The following PRPF39 variants were observed in gnomAD, a reference collection of about 807,000 sequenced individuals.
PRPF39 encodes the protein pre-mRNA processing factor 39.
In PRPF39, 27 loss-of-function variants were observed where a neutral mutation model predicts 82.1. The ratio of observed to expected loss-of-function variants is 0.33; its 90% CI spans 0.24 to 0.45. The LOEUF (loss-of-function observed/expected upper bound fraction) is 0.45. Among genes scored for constraint, PRPF39 ranks in the 20% least tolerant of loss-of-function variants. PRPF39 has a pLI of 1.00. For missense variants in PRPF39, 581 were observed against 796.9 expected (o/e 0.73, Z 3.26); for synonymous variants, 261 against 256.4 (o/e 1.02, Z -0.17).
At chr14:45,086,431 G>A (rs2139030581) in intron 1 of PRPF39, among the ~76,000 whole-genome samples, 1 of 152,096 alleles carries the variant, frequency 6.6e-6, no homozygotes, top group South Asian at 2.1e-4. Flanking sequence ...TTTTATACTT[G>A]TGTCCTTTGT....
chr14:45,115,002 T>C lies in PRPF39; in HGVS notation c.*89T>C, dbSNP rs1020596315. On this transcript the variant is annotated 3_prime_UTR_variant, in exon 14 of 14. Coordinates refer to ENST00000355765, the MANE Select transcript of PRPF39 (RefSeq NM_017922.4). ...AGGGATGTAAACAGTATAAGCTTGT[T>C]GTATTTGATAACCTGTCTTCCTTGT... The C allele has an allele frequency of 3.2e-5, 33 of 1,022,324 alleles. No individual in the cohort carries two copies. Among genetic ancestry groups the C allele is most frequent in the Admixed American group, 8.6e-5 (4 of 46,250 alleles). 63.3% of individuals were successfully genotyped at this position (1,022,324 alleles called of 1,614,324 possible).
intron 5 of PRPF39, 125 bp downstream of exon 5, chr14:45,102,821 T>C (rs1213750570): frequency 1.4e-5 from 14 of 986,604 alleles, no homozygotes; most frequent in Non-Finnish European, 1.9e-5. Flanking sequence ...ATAAATTTTG[T>C]TGCTAATCAC....
intron 4 of PRPF39, among the ~76,000 whole-genome samples, chr14:45,099,757 T>A (rs1884316742): frequency 6.6e-6 from 1 of 152,204 alleles, no homozygotes. Flanking sequence ...ATTCTTAATA[T>A]CCAAGAATCT....
chr14:45,108,588 T>C (rs565832466), intron 7 of PRPF39, 66 bp downstream of exon 7: 1 of 1,522,400 alleles, frequency 6.6e-7, no homozygotes, highest in Admixed American at 2.5e-5. Flanking sequence ...TTTCTTTCAA[T>C]TTTGATAGTA....
Position 45,102,662 on chromosome 14 carries a change from A to G in PRPF39, c.703A>G (p.Ile235Val), listed in dbSNP as rs768626902. ...VTAIYDRILG[I>V]PTQLYSHHFQ... ...AGCTATATATGATCGTATTCTTGGTATTCCAACACAGCTGTATAGTCATCA... is the reference window on the plus strand; with the variant it reads ...AGCTATATATGATCGTATTCTTGGTGTTCCAACACAGCTGTATAGTCATCA... Residue 235 changes from isoleucine (I) to valine (V), a missense_variant, in exon 5 of 14, where the codon ATT becomes GTT. By Grantham distance (29) the Ile-to-Val change is conservative (BLOSUM62 3). Transcript: ENST00000355765. 5 of 1,610,076 alleles carry G rather than the reference A, an allele frequency of 3.1e-6. No homozygotes were observed. Among genetic ancestry groups the G allele is most frequent in the African/African-American group, 1.3e-5 (1 of 74,776 alleles).
At position 45,096,941 on chromosome 14, in the gene PRPF39, T is replaced by C. The variant is rs1342683625; in HGVS notation, c.505T>C (p.Tyr169His). ...TCTTAGTGTTGACCTTTGGATACATTATATAAACTTCTTAAAAGAAACATT... is the reference window on the plus strand; with the variant it reads ...TCTTAGTGTTGACCTTTGGATACATCATATAAACTTCTTAAAAGAAACATT... The part of the protein sequence containing the change: ...IPLSVDLWIH[Y>H]INFLKETLDP... Residue 169 changes from tyrosine to histidine, a missense_variant, in exon 4 of 14, where the codon TAT becomes CAT. Transcript: ENST00000355765. 2 of 1,552,274 alleles carry C rather than the reference T, an allele frequency of 1.3e-6. No homozygotes were observed. Among genetic ancestry groups the C allele is most frequent in the Admixed American group, 3.9e-5 (2 of 50,762 alleles).
chr14:45,109,379 G>T (rs374435399), intron 7 of PRPF39, among the ~76,000 whole-genome samples: 1 of 152,036 alleles, frequency 6.6e-6, no homozygotes, highest in Non-Finnish European at 1.5e-5. Context: ...AAAATGTTCT[G>T]TACATTAAAA....
At chr14:45,100,682 T>G (rs1007272096) in intron 4 of PRPF39, among the ~76,000 whole-genome samples, 2 of 152,230 alleles carry the variant, frequency 1.3e-5, no homozygotes, top group East Asian at 3.8e-4. Context: ...ACACCAAATA[T>G]GCACATGCAT....
intron 8 of PRPF39, 132 bp downstream of exon 8, chr14:45,109,912 C>A: frequency 6.6e-7 from 1 of 1,514,114 alleles, no homozygotes; most frequent in Non-Finnish European, 8.8e-7. Flanking sequence ...CTGCTTGCAA[C>A]CAGATTTGAC....
chr14:45,090,347 A>G (rs1187475648), intron 1 of PRPF39, among the ~76,000 whole-genome samples: 1 of 151,916 alleles, frequency 6.6e-6, no homozygotes, highest in South Asian at 2.1e-4. Flanking sequence ...ACTACTTTGG[A>G]CTCTCTTTTA....
chr14:45,107,485 G>T lies in PRPF39; in HGVS notation c.772G>T (p.Asp258Tyr). 1 of 1,562,500 alleles carries T rather than the reference G, an allele frequency of 6.4e-7. No homozygotes were observed. The highest frequency in any genetic ancestry group is 2.3e-5 in the East Asian group (1 of 43,170). Residue 258 changes from aspartate to tyrosine, a missense_variant, in exon 6 of 14, where the codon GAT becomes TAT. Physicochemically the swap from Asp to Tyr is radical, Grantham distance 160 (BLOSUM62 -3). Transcript: ENST00000355765. ...KEHVQNNLPR[D>Y]LLTGEQFIQL... Reference sequence around the variant, plus strand: ...ACATGTACAGAATAATTTGCCTAGAGATCTTTTAACTGGTGAACAGTTTAT... The same window carrying T: ...ACATGTACAGAATAATTTGCCTAGATATCTTTTAACTGGTGAACAGTTTAT...
intron 12 of PRPF39, 87 bp from the exon 13 acceptor site, chr14:45,114,407 A>G (rs550369191): frequency 1.4e-6 from 2 of 1,417,026 alleles, no homozygotes; most frequent in African/African-American, 2.9e-5. Flanking sequence ...AACTTCAGTA[A>G]AACAAATATA....
chr14:45,091,163 G>C (rs1182344444), intron 1 of PRPF39, among the ~76,000 whole-genome samples: 1 of 151,624 alleles, frequency 6.6e-6, no homozygotes, highest in Non-Finnish European at 1.5e-5. Flanking sequence ...GTTTTTAATA[G>C]AATCTTGCTC....
intron 5 of PRPF39, among the ~76,000 whole-genome samples, chr14:45,105,500 A>G (rs1265813918): frequency 1.3e-5 from 2 of 150,158 alleles, no homozygotes; most frequent in African/African-American, 2.4e-5. Flanking sequence ...CAAAATTTAA[A>G]TTAGATTCCA....
chr14:45,114,137 T>C (rs747534726), intron 11 of PRPF39, 46 bp from the exon 12 acceptor site: 8 of 1,363,748 alleles, frequency 5.9e-6, no homozygotes, highest in Non-Finnish European at 8.1e-6. Context: ...TTTAATAAAG[T>C]TTGTTTTTTG....
rs58863567 is a variant in PRPF39, at chr14:45,111,631, C to CTTTTTTTT, written c.1573-667_1573-660dup. 1.2e-4 allele frequency among the ~76,000 whole-genome samples: 7 copies of CTTTTTTTT among 58,804 alleles called. 1 individual carries two copies. The highest frequency in any genetic ancestry group is 2.3e-4 in the African/African-American group (3 of 13,128). The allele number at this position is 58,804 out of a possible 152,430, so 38.6% of individuals were successfully genotyped here. A position where few individuals can be genotyped will look rare whatever the true frequency, so the allele number is the denominator to read the frequency against. ...ACAGGCGTAAGCCACTGCACCTGGG[C>CTTTTTTTT]TTTTTTTTTTTTTTTTTTTTTTTTT... On this transcript the variant is annotated intron_variant, in intron 10 of 13. Coordinates refer to ENST00000355765, the MANE Select transcript of PRPF39 (RefSeq NM_017922.4).
intron 12 of PRPF39, 100 bp downstream of exon 12, chr14:45,114,357 A>T: frequency 7.4e-7 from 1 of 1,344,684 alleles, no homozygotes; most frequent in South Asian, 1.4e-5. Context: ...TAATTTACAT[A>T]CTTTATTTTC....
intron 1 of PRPF39, among the ~76,000 whole-genome samples, chr14:45,084,730 A>C (rs1161292283): frequency 1.3e-5 from 2 of 152,196 alleles, no homozygotes; most frequent in Non-Finnish European, 2.9e-5. Context: ...ACCCTAAGTC[A>C]CAGCACCCAC....
chr14:45,100,751 C>T (rs1884350394), intron 4 of PRPF39, among the ~76,000 whole-genome samples: 2 of 152,270 alleles, frequency 1.3e-5, no homozygotes, highest in African/African-American at 4.8e-5. Flanking sequence ...ATATTTCCTC[C>T]AATGTTGGTA....
Sources: allele counts gnomAD v4.1 joint callset (sites outside exome capture counted in the v4.1 genomes callset), GRCh38; gene constraint gnomAD v4.1.1; transcripts MANE v1.5; gene names NCBI Gene and HGNC (gene_info 2026-07-23, HGNC 2026-07-21).